EXD2: variants seen among roughly 807,000 people sequenced by gnomAD.
EXD2 encodes the protein exonuclease 3'-5' domain containing 2, also known as exonuclease 3'-5' domain-containing protein 2.
A neutral mutation model predicts 62.5 loss-of-function variants in EXD2; 40 were observed. The observed-to-expected ratio is 0.64, with a 90% CI of 0.50 to 0.83. The LOEUF (loss-of-function observed/expected upper bound fraction) is 0.83, where lower values mean the gene tolerates loss of function less well. Ranked by LOEUF, EXD2 falls within the 40% of genes least tolerant of loss-of-function variation. EXD2 has a pLI of 0.00. For synonymous variants in EXD2, 239 were observed against 291.9 expected (o/e 0.82, Z 1.85); for missense variants, 671 against 761.8 (o/e 0.88, Z 1.40).
At chr14:69,220,164 C>T (rs1232661470) in intron 3 of EXD2, among the ~76,000 whole-genome samples, 2 of 150,532 alleles carry the variant, frequency 1.3e-5, no homozygotes, top group East Asian at 1.9e-4. Flanking sequence ...TGCCCTCCTC[C>T]TGTCTGGCGC....
rs1010372597 is a variant in EXD2, at chr14:69,228,746, G to A, written c.334-70G>A. The A allele has an allele frequency of 3.5e-5, 54 of 1,526,034 alleles. No individual in the cohort carries two copies. In the Middle Eastern group the frequency reaches 5.3e-4, roughly 15 times the overall value. 94.5% of individuals were successfully genotyped at this position (1,526,034 alleles called of 1,614,324 possible). ...AAGGATGTACCTCTTAGACTTTTTT[G>A]TCACAGTTATATGTTATGCTCGCTG... On this transcript the variant is annotated intron_variant, in intron 3 of 9. Coordinates refer to ENST00000685843, the MANE Select transcript of EXD2 (RefSeq NM_001193360.2).
At chr14:69,192,267 C>G (rs1190382916) in intron 1 of EXD2, among the ~76,000 whole-genome samples, 1 of 152,172 alleles carries the variant, frequency 6.6e-6, no homozygotes, top group African/African-American at 2.4e-5. Context: ...TATATACCCT[C>G]TCCTCAAAAA....
At chr14:69,222,579 G>A (rs1166535077) in intron 3 of EXD2, among the ~76,000 whole-genome samples, 1 of 152,038 alleles carries the variant, frequency 6.6e-6, no homozygotes, top group African/African-American at 2.4e-5. Flanking sequence ...TGTTTTACCT[G>A]ATATCTAAAT....
At chr14:69,225,096 T>C (rs2043314172) in intron 3 of EXD2, among the ~76,000 whole-genome samples, 2 of 152,256 alleles carry the variant, frequency 1.3e-5, no homozygotes. Flanking sequence ...CCTACTCTTA[T>C]CGGCGTCTAG....
chr14:69,241,318 C>A lies in EXD2; in HGVS notation c.*218C>A. The A allele has an allele frequency of 1.9e-6, 1 of 513,350 alleles. No individual in the cohort carries two copies. Among genetic ancestry groups the A allele is most frequent in the Non-Finnish European group, 3.4e-6 (1 of 290,686 alleles). The allele number at this position is 513,350 out of a possible 1,614,324, so 31.8% of individuals were successfully genotyped here. On this transcript the variant is annotated 3_prime_UTR_variant, in exon 10 of 10. Transcript: ENST00000685843. Reference sequence around the variant, plus strand: ...TTAAACGGGCAGGGTCTTTTTTCCTCTCATTTTTGTGGACAAGAGAGGCCT... The same window carrying A: ...TTAAACGGGCAGGGTCTTTTTTCCTATCATTTTTGTGGACAAGAGAGGCCT...
intron 2 of EXD2, among the ~76,000 whole-genome samples, chr14:69,204,601 A>C (rs953094229): frequency 6.6e-6 from 1 of 152,346 alleles, no homozygotes; most frequent in Admixed American, 6.5e-5. Flanking sequence ...AAAAAACTTA[A>C]GAATGACAGA....
chr14:69,238,038 C>G, intron 9 of EXD2, 107 bp downstream of exon 9: 1 of 936,714 alleles, frequency 1.1e-6, no homozygotes, highest in Non-Finnish European at 1.6e-6. Flanking sequence ...CAGTGCCTAG[C>G]CTCATGCTTC....
chr14:69,236,522 C>G lies in EXD2; in HGVS notation c.1272C>G (p.Gly424=). 1 of 1,614,136 alleles carries G rather than the reference C, an allele frequency of 6.2e-7. No individual in the cohort carries two copies. The highest frequency in any genetic ancestry group is 2.2e-5 in the East Asian group (1 of 44,886). ...AAGAGAACCTGTGTGTAGTGTGTGGCAAGAGAGACTCCTACATTCGGTGAG... is the reference window on the plus strand; with the variant it reads ...AAGAGAACCTGTGTGTAGTGTGTGGGAAGAGAGACTCCTACATTCGGTGAG... ...MVKENLCVVC[G]KRDSYIRKNV... is the part of the protein sequence containing the mutation. Residue 424 remains glycine (G), a synonymous_variant, in exon 8 of 10, where the codon GGC becomes GGG. Coordinates refer to ENST00000685843, the MANE Select transcript of EXD2 (RefSeq NM_001193360.2).
At position 69,230,453 on chromosome 14, in the gene EXD2, T is replaced by A; in HGVS notation, c.591-19T>A. On this transcript the variant is annotated intron_variant, in intron 4 of 9. Transcript: ENST00000685843. ...TCCTTTGCCCGTTTTTGATGCATGGTTTTCTTTGTTTCTTTTAGAAACAAT... is the reference window on the plus strand; with the variant it reads ...TCCTTTGCCCGTTTTTGATGCATGGATTTCTTTGTTTCTTTTAGAAACAAT... 6.4e-7 allele frequency: 1 copy of A among 1,570,836 alleles called. No individual in the cohort carries two copies. The highest frequency in any genetic ancestry group is 8.6e-7 in the Non-Finnish European group (1 of 1,156,844).
At position 69,234,666 on chromosome 14, in the gene EXD2, C is replaced by T. The variant is rs556344811; in HGVS notation, c.718-34C>T. ...GAAGTTTTTCTCTCTGGTTTGCCTTCCAGATTCCACTGATCTCTGACTTTT... is the reference window on the plus strand; with the variant it reads ...GAAGTTTTTCTCTCTGGTTTGCCTTTCAGATTCCACTGATCTCTGACTTTT... On this transcript the variant is annotated intron_variant, in intron 5 of 9. Transcript: ENST00000685843. 1.9e-6 allele frequency: 3 copies of T among 1,551,724 alleles called. No homozygotes were observed. In the South Asian group the frequency reaches 3.7e-5, roughly 19 times the overall value.
At chr14:69,213,719 A>C (rs905960679) in intron 3 of EXD2, among the ~76,000 whole-genome samples, 13 of 148,168 alleles carry the variant, frequency 8.8e-5, no homozygotes, top group African/African-American at 3.0e-4. Flanking sequence ...GCTGGAGTAC[A>C]TTAGTGCAAT....
chr14:69,227,165 C>T (rs2043392350), intron 3 of EXD2, among the ~76,000 whole-genome samples: 1 of 152,160 alleles, frequency 6.6e-6, no homozygotes, highest in African/African-American at 2.4e-5. Flanking sequence ...TGTTTAGCAG[C>T]CTTCTGGCCT....
chr14:69,228,835 C>G lies in EXD2; in HGVS notation c.353C>G (p.Ala118Gly), dbSNP rs1865471652. Residue 118 changes from alanine (A) to glycine (G), a missense_variant, in exon 4 of 10, where the codon GCC becomes GGC. Transcript: ENST00000685843. ...TTGCAGGTAAATTTGGAAGGCAAAG[C>G]CAGCCCTCTGTCACTTCTACAAATG... ...DCEWVNLEGK[A>G]SPLSLLQMAS... The G allele has an allele frequency of 6.2e-7, 1 of 1,613,608 alleles. No homozygotes were observed.
In EXD2 at chr14:69,241,034, A is replaced by C. The variant is rs928991880; in HGVS notation, c.1800A>C (p.Ser600=). ...CCAAGCACCTGCCCCAGCAGTGGTC[A>C]GTGGACCACAACCATCAGAAGCTGC... The part of the protein sequence containing the change: ...MQPKHLPQQW[S]VDHNHQKLLR... The change falls in exon 10 of 10, where the codon TCA becomes TCC. Residue 600 remains serine, a synonymous_variant. Coordinates refer to ENST00000685843, the MANE Select transcript of EXD2 (RefSeq NM_001193360.2). 21 of 1,612,906 alleles carry C rather than the reference A, an allele frequency of 1.3e-5. No homozygotes were observed. Among genetic ancestry groups the C allele is most frequent in the Non-Finnish European group, 1.7e-5 (20 of 1,180,032 alleles).
intron 3 of EXD2, among the ~76,000 whole-genome samples, chr14:69,218,357 C>A (rs1036040111): frequency 2.0e-5 from 3 of 152,224 alleles, no homozygotes; most frequent in Non-Finnish European, 2.9e-5. Context: ...CTGTTCATAT[C>A]CTTTGCCCAC....
intron 3 of EXD2, among the ~76,000 whole-genome samples, chr14:69,219,245 T>G (rs1594757336): frequency 6.6e-6 from 1 of 152,242 alleles, no homozygotes; most frequent in East Asian, 1.9e-4. Context: ...GTTGGATTCC[T>G]AGGTATTTTA....
At chr14:69,210,936 C>G (rs1050435374) in intron 3 of EXD2, among the ~76,000 whole-genome samples, 3 of 152,172 alleles carry the variant, frequency 2.0e-5, no homozygotes, top group African/African-American at 7.2e-5. Flanking sequence ...AAGCCTTCAG[C>G]AAGTTGTAAT....
chr14:69,226,095 T>G (rs1232136670), intron 3 of EXD2, among the ~76,000 whole-genome samples: 1 of 152,230 alleles, frequency 6.6e-6, no homozygotes, highest in Admixed American at 6.5e-5. Flanking sequence ...ATATTGAACC[T>G]TAGGAATTTG....
intron 9 of EXD2, chr14:69,239,183 T>C (rs1479072914): frequency 1.3e-5 from 2 of 152,200 alleles, no homozygotes; most frequent in Non-Finnish European, 2.9e-5. Flanking sequence ...TCTCCATGAG[T>C]ACATAGTTGA....
Sources: gnomAD v4.1 joint callset for allele counts (sites outside exome capture counted in the v4.1 genomes callset) on GRCh38, gnomAD v4.1.1 for gene constraint, MANE v1.5 for transcripts, NCBI Gene and HGNC (gene_info 2026-07-23, HGNC 2026-07-21) for gene names.